The following SORBS2 variants were observed in gnomAD, a reference collection of about 807,000 sequenced individuals.
The protein encoded by SORBS2 is sorbin and SH3 domain containing 2, also known as sorbin and SH3 domain-containing protein 2.
In SORBS2, 46 loss-of-function variants were observed where a neutral mutation model predicts 97.7. The ratio of observed to expected loss-of-function variants is 0.47; its 90% confidence interval spans 0.37 to 0.60. SORBS2 has a LOEUF of 0.60. Ranked by LOEUF, SORBS2 falls within the 20% of genes least tolerant of loss-of-function variation. SORBS2 has a pLI of 0.00. For synonymous variants in SORBS2, 476 were observed against 473.4 expected (o/e 1.01, Z -0.07); for missense variants, 1,316 against 1,282.3 (o/e 1.03, Z -0.40).
rs1251274235 is a variant in SORBS2 at position 185,639,112 on chromosome 4, G to A, written c.396+7556C>T. On this transcript the variant is annotated intron_variant, in intron 4 of 14. Coordinates refer to ENST00000418609, the Ensembl canonical transcript of SORBS2. The stretch of plus-strand genomic sequence containing the variant: ...GGAACCGCGAGGACACCCTGGCAGC[G>A]CGCTGTGCCTGCGTTAGGCCGGGAG... 6.1e-6 allele frequency: 8 copies of A among 1,320,846 alleles called. No individual in the cohort carries two copies. The East Asian group carries it at 1.2e-4, about 20-fold the overall frequency. The allele number at this position is 1,320,846 out of a possible 1,614,324, so 81.8% of individuals were successfully genotyped here. A position where few individuals can be genotyped will look rare whatever the true frequency, so the allele number is the denominator to read the frequency against.
At chr4:185,639,205 G>T (rs1007025544) in intron 4 of SORBS2, among the ~76,000 whole-genome samples, 170 bp from the exon 14 acceptor site, 5 of 152,214 alleles carry the variant, frequency 3.3e-5, no homozygotes, top group African/African-American at 1.2e-4. Context: ...CCGGGCCGCT[G>T]CGAAGCCCTG....
intron 1 of SORBS2, among the ~76,000 whole-genome samples, chr4:185,879,114 T>C: frequency 6.9e-6 from 1 of 145,892 alleles, no homozygotes; most frequent in African/African-American, 2.6e-5. Flanking sequence ...GTTGGTGTGC[T>C]GCACCCATTA....
At chr4:185,706,192 A>C (rs2098339111) in intron 2 of SORBS2, among the ~76,000 whole-genome samples, 1 of 152,212 alleles carries the variant, frequency 6.6e-6, no homozygotes, top group Non-Finnish European at 1.5e-5. Flanking sequence ...TTTAAACAAA[A>C]GCATTTTTAC....
chr4:185,613,122 C>T (rs992598477), intron 11 of SORBS2, among the ~76,000 whole-genome samples: 4 of 152,176 alleles, frequency 2.6e-5, no homozygotes, highest in Non-Finnish European at 2.9e-5. Context: ...TTGATGCTAC[C>T]GGGCAAAAAC....
chr4:185,743,506 A>C (rs1166303488), intron 2 of SORBS2, among the ~76,000 whole-genome samples: 1 of 152,178 alleles, frequency 6.6e-6, no homozygotes, highest in East Asian at 1.9e-4. Flanking sequence ...TGAGGATGAA[A>C]ACATAGAGCT....
chr4:185,883,995 C>T (rs2099238117), intron 1 of SORBS2, among the ~76,000 whole-genome samples: 1 of 152,108 alleles, frequency 6.6e-6, no homozygotes, highest in South Asian at 2.1e-4. Context: ...AAAAGCAAAA[C>T]CCCAGAGACA....
At position 185,623,074 on chromosome 4, in the gene SORBS2, G is replaced by T. The variant is rs777918989; in HGVS notation, c.2055C>A (p.Ser685Arg). The change falls in exon 7 of 15, where the codon AGC (serine) becomes AGA (arginine). Residue 685 changes from serine to arginine, a missense_variant. Transcript: ENST00000418609. The surrounding 1 kb of genome is among the most constrained non-coding windows in gnomAD (Gnocchi z 6.4). ...GTGGGTGGAGAGGCTGGTGCAGGGG[G>T]CTCCTCCTCAGCGCTCTCAGGGATG... is the stretch of plus-strand genomic sequence containing the variant. 2 of 1,614,132 alleles carry T rather than the reference G, an allele frequency of 1.2e-6. No individual in the cohort carries two copies. The highest frequency in any genetic ancestry group is 2.2e-5 in the East Asian group (1 of 44,878).
Position 185,778,750 on chromosome 4 carries a change from T to C in SORBS2, c.-337-3384A>G, listed in dbSNP as rs531611555. The stretch of plus-strand genomic sequence containing the variant: ...GTGGAAAGGCCAGGATCTAGATCAT[T>C]TGTACATCATTAAGGCATAGTTGAC... On this transcript the variant is annotated intron_variant, in intron 1 of 20. Coordinates refer to the SORBS2 transcript ENST00000284776. Among the ~76,000 whole-genome samples the C allele has an allele frequency of 1.7e-4, 26 of 152,250 alleles. No homozygotes were observed. In the South Asian group the frequency reaches 5.4e-3, roughly 32 times the overall value.
At chr4:185,757,053 G>T in intron 2 of SORBS2, 1 of 778,836 alleles carries the variant, frequency 1.3e-6, no homozygotes, top group Non-Finnish European at 2.3e-6. Flanking sequence ...GAACTTCGCA[G>T]GCTTCCATTT....
intron 9 of SORBS2, 170 bp from the exon 22 acceptor site, chr4:185,615,329 C>T (rs1016240425): frequency 1.7e-6 from 1 of 594,916 alleles, no homozygotes; most frequent in Non-Finnish European, 3.0e-6. Context: ...TCTTAGAATG[C>T]ACTTAAAACA....
At chr4:185,596,080 A>G (rs1408729904) in intron 12 of SORBS2, among the ~76,000 whole-genome samples, 1 of 152,198 alleles carries the variant, frequency 6.6e-6, no homozygotes, top group Non-Finnish European at 1.5e-5. Context: ...AATATTATTT[A>G]TTCTTGTCTT....
At chr4:185,719,100 C>A (rs1335077321) in intron 2 of SORBS2, among the ~76,000 whole-genome samples, 1 of 151,992 alleles carries the variant, frequency 6.6e-6, no homozygotes, top group Non-Finnish European at 1.5e-5. Flanking sequence ...TGTACCTGTT[C>A]TCTGTTGTAT....
chr4:185,722,459 C>T (rs947363903), intron 2 of SORBS2, among the ~76,000 whole-genome samples: 6 of 152,162 alleles, frequency 3.9e-5, no homozygotes, highest in Non-Finnish European at 8.8e-5. Context: ...TGTAGTTTAA[C>T]ACGAAGCAGC....
intron 2 of SORBS2, among the ~76,000 whole-genome samples, chr4:185,741,060 T>C (rs2098721872): frequency 6.6e-6 from 1 of 152,058 alleles, no homozygotes; most frequent in Non-Finnish European, 1.5e-5. Flanking sequence ...CATGCACTGA[T>C]TCTCTGGCAT....
intron 4 of SORBS2, among the ~76,000 whole-genome samples, chr4:185,667,435 T>G (rs562797900): frequency 2.1e-3 from 313 of 152,172 alleles, no homozygotes; most frequent in Non-Finnish European, 3.2e-3. Flanking sequence ...ATCCATCATA[T>G]AAAAAGGTCT....
intron 1 of SORBS2, among the ~76,000 whole-genome samples, chr4:185,797,840 C>T (rs1554017639): frequency 1.3e-5 from 2 of 152,192 alleles, no homozygotes; most frequent in Non-Finnish European, 2.9e-5. Flanking sequence ...CTGCAATGTG[C>T]TTTCACACCA....
chr4:185,711,025 C>T (rs9991426), intron 2 of SORBS2, among the ~76,000 whole-genome samples: 112,091 of 152,024 alleles, frequency 0.74, 42,558 homozygotes, highest in Non-Finnish European at 0.84. Context: ...GCTGGAGTGC[C>T]GTGGTGTGAT....
At chr4:185,869,667 T>C (rs1021358709) in intron 1 of SORBS2, among the ~76,000 whole-genome samples, 1 of 152,244 alleles carries the variant, frequency 6.6e-6, no homozygotes, top group Admixed American at 6.5e-5. Context: ...TCATTTCTGA[T>C]GCAAATGGGG....
At chr4:185,939,011 C>T (rs1001045785) in intron 1 of SORBS2, among the ~76,000 whole-genome samples, 3 of 152,206 alleles carry the variant, frequency 2.0e-5, no homozygotes, top group African/African-American at 4.8e-5. Flanking sequence ...TAACAGATTT[C>T]CCGATAAATA....
Sources: allele counts gnomAD v4.1 joint callset (sites outside exome capture counted in the v4.1 genomes callset), GRCh38; gene constraint gnomAD v4.1.1; non-coding constraint Gnocchi (gnomAD v3.1); transcripts MANE v1.5; gene names NCBI Gene and HGNC (gene_info 2026-07-23, HGNC 2026-07-21).